ACO1: variants seen among roughly 807,000 people sequenced by gnomAD.
ACO1 encodes cytoplasmic aconitate hydratase.
In ACO1, 78 loss-of-function variants were observed where a neutral mutation model predicts 105.1. That is an observed-to-expected ratio of 0.74 (90% CI 0.62 to 0.90). The LOEUF (loss-of-function observed/expected upper bound fraction) is 0.90, where lower values mean the gene tolerates loss of function less well. Among genes scored for constraint, ACO1 ranks in the 40% least tolerant of loss-of-function variants. The probability of loss-of-function intolerance (pLI) is 0.00; values close to 1 mark genes in which losing one functional copy is unlikely to be tolerated. For synonymous variants in ACO1, 364 were observed against 397.4 expected, an observed-to-expected ratio of 0.92 and a Z score of 1.00; for missense variants, 965 against 1,111.1, an observed-to-expected ratio of 0.87 and a Z score of 1.87.
chr9:32,411,934 C>T (rs149891738), intron 4 of ACO1, among the ~76,000 whole-genome samples: 2,006 of 152,134 alleles, frequency 0.013, 23 homozygotes, highest in Non-Finnish European at 0.019. Flanking sequence ...ACCGGGGTGG[C>T]GTGATCACAG....
chr9:32,391,814 A>G (rs1026472472), intron 1 of ACO1, among the ~76,000 whole-genome samples: 2 of 151,694 alleles, frequency 1.3e-5, no homozygotes, highest in African/African-American at 4.9e-5. Context: ...TTCAGAACAG[A>G]TAAGATAAAT....
Position 32,450,226 on chromosome 9 carries a change from G to A in ACO1, c.*115G>A, listed in dbSNP as rs375533141. 2.6e-3 allele frequency: 2,133 copies of A among 814,826 alleles called. 53 individuals are homozygous for A. In the South Asian group the frequency reaches 0.028, roughly 11 times the overall value. The allele number at this position is 814,826 out of a possible 1,614,324, so 50.5% of individuals were successfully genotyped here. A position where few individuals can be genotyped will look rare whatever the true frequency, so the allele number is the denominator to read the frequency against. ...GGAGGGGTGCTGCCTTGTAGATGGAGCAAGTGAGCACTGAGGGTCTGGTGC... is the reference window on the plus strand; with the variant it reads ...GGAGGGGTGCTGCCTTGTAGATGGAACAAGTGAGCACTGAGGGTCTGGTGC... On this transcript the variant is annotated 3_prime_UTR_variant, in exon 21 of 21. Coordinates refer to ENST00000309951, the MANE Select transcript of ACO1 (RefSeq NM_002197.3).
intron 10 of ACO1, 48 bp downstream of exon 10, chr9:32,424,713 C>T (rs1293111193): frequency 7.7e-7 from 1 of 1,293,582 alleles, no homozygotes; most frequent in Non-Finnish European, 1.1e-6. Flanking sequence ...CTACCTCTTG[C>T]CTGGTTACTC....
chr9:32,450,790 G>GAAC lies in ACO1; in HGVS notation c.*681_*683dup, dbSNP rs1822749761. ...ACCTTTGTTGGGAGGCGGTTTGGGA[G>GAAC]AACACATTTCTAATTTGAATGAAAT... is the stretch of plus-strand genomic sequence containing the variant. On this transcript the variant is annotated 3_prime_UTR_variant, in exon 21 of 21. Coordinates refer to ENST00000309951, the MANE Select transcript of ACO1 (RefSeq NM_002197.3). The GAAC allele has an allele frequency of 1.3e-5, 2 of 152,000 alleles. No homozygotes were observed. The highest frequency in any genetic ancestry group is 4.8e-5 in the African/African-American group (2 of 41,306). 9.4% of individuals were successfully genotyped at this position (152,000 alleles called of 1,614,324 possible).
chr9:32,442,156 G>A (rs1822494827), intron 19 of ACO1, among the ~76,000 whole-genome samples: 1 of 151,976 alleles, frequency 6.6e-6, no homozygotes, highest in African/African-American at 2.4e-5. Context: ...AATTGGTAAG[G>A]AGAAAGGCCT....
chr9:32,418,988 T>TA, intron 6 of ACO1, 50 bp from the exon 7 acceptor site: 1 of 1,484,742 alleles, frequency 6.7e-7, no homozygotes, highest in Non-Finnish European at 9.0e-7. Flanking sequence ...ACCTGAGAGA[T>TA]AGAGTAAGGG....
At chr9:32,404,372 C>T (rs964117950) in intron 1 of ACO1, among the ~76,000 whole-genome samples, 2 of 152,268 alleles carry the variant, frequency 1.3e-5, no homozygotes, top group South Asian at 2.1e-4. Context: ...TGCACTTGCC[C>T]GCCTGGTTAC....
At chr9:32,388,232 G>C (rs1484948861) in intron 1 of ACO1, among the ~76,000 whole-genome samples, 1 of 152,136 alleles carries the variant, frequency 6.6e-6, no homozygotes, top group African/African-American at 2.4e-5. Flanking sequence ...CAGAGACAAA[G>C]GAAATGTTAA....
chr9:32,445,873 C>CAGT (rs1822593688), intron 19 of ACO1: 1 of 151,322 alleles, frequency 6.6e-6, no homozygotes, highest in Non-Finnish European at 1.5e-5. Flanking sequence ...CATTTTTTAC[C>CAGT]AGTCATTCAG....
At chr9:32,406,982 C>G (rs1467337854) in intron 2 of ACO1, among the ~76,000 whole-genome samples, 2 of 152,136 alleles carry the variant, frequency 1.3e-5, no homozygotes, top group Non-Finnish European at 2.9e-5. Context: ...TGGAGTTTCA[C>G]CATGTTGGTC....
chr9:32,434,532 A>G (rs747019607), intron 16 of ACO1, 27 bp from the exon 17 acceptor site: 2 of 1,613,298 alleles, frequency 1.2e-6, no homozygotes, highest in Non-Finnish European at 1.7e-6. Context: ...ACCTGGGCCA[A>G]TGCTGACTTT....
intron 19 of ACO1, among the ~76,000 whole-genome samples, chr9:32,444,770 C>T (rs973464237): frequency 2.0e-5 from 3 of 152,078 alleles, no homozygotes; most frequent in Non-Finnish European, 2.9e-5. Context: ...ATAGCTCTTA[C>T]TATTTTGAGA....
At chr9:32,411,538 C>T (rs1821739287) in intron 4 of ACO1, among the ~76,000 whole-genome samples, 1 of 152,034 alleles carries the variant, frequency 6.6e-6, no homozygotes, top group Admixed American at 6.6e-5. Context: ...GTCTATAATC[C>T]ATTTAGAAAA....
intron 19 of ACO1, among the ~76,000 whole-genome samples, chr9:32,447,295 A>T (rs537875900): frequency 2.5e-4 from 38 of 151,542 alleles, no homozygotes; most frequent in Admixed American, 2.5e-3. Flanking sequence ...ATCTTTTCTT[A>T]TTGCTTTATT....
At chr9:32,391,266 C>G (rs1821262255) in intron 1 of ACO1, among the ~76,000 whole-genome samples, 1 of 152,222 alleles carries the variant, frequency 6.6e-6, no homozygotes, top group Non-Finnish European at 1.5e-5. Flanking sequence ...ATCTTGTCCT[C>G]AGCAGCAAGT....
At chr9:32,398,650 G>A (rs1821424164) in intron 1 of ACO1, among the ~76,000 whole-genome samples, 1 of 151,542 alleles carries the variant, frequency 6.6e-6, no homozygotes, top group South Asian at 2.1e-4. Flanking sequence ...CTGGAATGCA[G>A]TGGCACAATC....
At chr9:32,418,801 T>G (rs1821907365) in intron 6 of ACO1, among the ~76,000 whole-genome samples, 1 of 152,208 alleles carries the variant, frequency 6.6e-6, no homozygotes, top group South Asian at 2.1e-4. Context: ...CTTCTTTGCA[T>G]GTGGCATCAA....
chr9:32,427,517 A>T (rs1446373800), intron 12 of ACO1, 81 bp downstream of exon 12: 1 of 1,555,262 alleles, frequency 6.4e-7, no homozygotes, highest in Non-Finnish European at 8.8e-7. Context: ...CTTGTAACAG[A>T]TGTGAGATTA....
Position 32,450,102 on chromosome 9 carries a change from G to C in ACO1, c.2661G>C (p.Met887Ile), listed in dbSNP as rs986055223. 4 of 1,613,060 alleles carry C rather than the reference G, an allele frequency of 2.5e-6. No homozygotes were observed. In the Admixed American group the frequency reaches 6.7e-5, roughly 27 times the overall value. The change falls in exon 21 of 21, where the codon ATG (methionine) becomes ATC (isoleucine). Residue 887 changes from methionine (M) to isoleucine (I), a missense_variant. Transcript: ENST00000309951. ...GGILNYMIRK[M>I]AK Reference sequence around the variant, plus strand: ...TCCTCAACTACATGATCCGCAAGATGGCCAAGTAGGAGACGTGCACTTGGT... The same window carrying C: ...TCCTCAACTACATGATCCGCAAGATCGCCAAGTAGGAGACGTGCACTTGGT...
Sources: gnomAD v4.1 joint callset for allele counts (sites outside exome capture counted in the v4.1 genomes callset) on GRCh38, gnomAD v4.1.1 for gene constraint, MANE v1.5 for transcripts, NCBI Gene and HGNC (gene_info 2026-07-23, HGNC 2026-07-21) for gene names.